Variants in OTUB2 observed in about 807,000 individuals in gnomAD.
OTUB2 encodes the protein ubiquitin thioesterase OTUB2.
OTUB2 carries 21 observed loss-of-function variants against 25.1 expected under a neutral mutation model. The ratio of observed to expected loss-of-function variants is 0.84; its 90% CI spans 0.59 to 1.21. The LOEUF (loss-of-function observed/expected upper bound fraction) is 1.21. Ranked by LOEUF, OTUB2 falls within the 50% of genes most tolerant of loss-of-function variation. The pLI is 0.00. For missense variants in OTUB2, 283 were observed against 298.0 expected, an observed-to-expected ratio of 0.95 and a Z score of 0.37; for synonymous variants, 122 against 122.8, an observed-to-expected ratio of 0.99 and a Z score of 0.04.
At chr14:94,026,723 G>A (rs969100592) in intron 1 of OTUB2, among the ~76,000 whole-genome samples, 183 bp downstream of exon 1, 3 of 151,980 alleles carry the variant, frequency 2.0e-5, no homozygotes, top group African/African-American at 7.2e-5. Context: ...GCCAAGTCGC[G>A]CCCCCCTGTA....
At chr14:94,033,503 C>T (rs188825435) in intron 1 of OTUB2, among the ~76,000 whole-genome samples, 3 of 152,338 alleles carry the variant, frequency 2.0e-5, no homozygotes. Context: ...GATTTTGTGT[C>T]CTCCTTCTGC....
chr14:94,028,386 C>G (rs1884902162), intron 1 of OTUB2, among the ~76,000 whole-genome samples: 1 of 152,204 alleles, frequency 6.6e-6, no homozygotes, highest in Non-Finnish European at 1.5e-5. Flanking sequence ...GAAAATACAG[C>G]ATCTTCTTTA....
rs7147036 is a variant in OTUB2 at position 94,044,541 on chromosome 14, C to T, written c.304-45C>T. On this transcript the variant is annotated intron_variant, in intron 4 of 5. Transcript: ENST00000203664. ...GCGGAGGGAGAATGCAGAGGGAGGG[C>T]TGGGGCTTGCTTGGCCTCCCTAGCT... The T allele has an allele frequency of 2.4e-3, 3,822 of 1,570,938 alleles. 76 individuals carry two copies. In the African/African-American group the frequency reaches 0.039, roughly 16 times the overall value.
intron 1 of OTUB2, among the ~76,000 whole-genome samples, chr14:94,031,085 A>G (rs180786790): frequency 4.2e-4 from 64 of 152,264 alleles, no homozygotes; most frequent in African/African-American, 1.5e-3. Flanking sequence ...CATGGCTTCC[A>G]AACGATTATC....
At chr14:94,031,220 C>G (rs949100814) in intron 1 of OTUB2, among the ~76,000 whole-genome samples, 1 of 146,864 alleles carries the variant, frequency 6.8e-6, no homozygotes, top group African/African-American at 2.6e-5. Flanking sequence ...CTGGGCAACA[C>G]AGTGAGATCC....
Position 94,044,742 on chromosome 14 carries a change from A to G in OTUB2, c.460A>G (p.Ile154Val), listed in dbSNP as rs746198025. 24 of 1,613,636 alleles carry G rather than the reference A, an allele frequency of 1.5e-5. No homozygotes were observed. The highest frequency in any genetic ancestry group is 1.9e-5 in the Non-Finnish European group (23 of 1,180,016). The change falls in exon 5 of 6, where the codon ATT (isoleucine) becomes GTT (valine). Residue 154 changes from isoleucine (I) to valine (V), a missense_variant. Coordinates refer to ENST00000203664, the MANE Select transcript of OTUB2 (RefSeq NM_023112.4). The stretch of plus-strand genomic sequence containing the variant: ...CCGAGCAGACTTCTTCCGGCACTTC[A>G]TTGATGAGGAGATGGACATCAAAGA... Reference protein sequence around the residue: ...RNRADFFRHFIDEEMDIKDFC... With the variant: ...RNRADFFRHFVDEEMDIKDFC...
chr14:94,045,579 C>A (rs1454830946), intron 5 of OTUB2, 137 bp from the exon 6 acceptor site: 1 of 803,128 alleles, frequency 1.2e-6, no homozygotes, highest in Non-Finnish European at 2.0e-6. Flanking sequence ...ACGTCCATAC[C>A]CAACTCATGG....
intron 3 of OTUB2, among the ~76,000 whole-genome samples, chr14:94,042,831 G>A (rs1219675022): frequency 6.6e-6 from 1 of 152,198 alleles, no homozygotes; most frequent in African/African-American, 2.4e-5. Context: ...CACCCCTGCA[G>A]TCAAGGCGTC....
rs1159318353 is a variant in OTUB2 at position 94,047,882 on chromosome 14, C to T, written c.*1960C>T. ...TGTGCTGTGCTTCCAGGTCACAGAG[C>T]CCCCCGGAAACTCACAGGGGCCCTC... is the stretch of plus-strand genomic sequence containing the variant. On this transcript the variant is annotated 3_prime_UTR_variant, in exon 6 of 6. Transcript: ENST00000203664. 1 of 152,130 alleles carries T rather than the reference C, an allele frequency of 6.6e-6. No individual in the cohort carries two copies. The highest frequency in any genetic ancestry group is 1.5e-5 in the Non-Finnish European group (1 of 68,050). The allele number at this position is 152,130 out of a possible 1,614,324, so 9.4% of individuals were successfully genotyped here. A position where few individuals can be genotyped will look rare whatever the true frequency, so the allele number is the denominator to read the frequency against.
At position 94,045,996 on chromosome 14, in the gene OTUB2, A is replaced by G. The variant is rs1885269318; in HGVS notation, c.*74A>G. On this transcript the variant is annotated 3_prime_UTR_variant, in exon 6 of 6. Transcript: ENST00000203664. ...CTGAATGGAACATTCCGGCTCTTCA[A>G]TTTTTTAAGCAATTTAGACTGTAGC... is the stretch of plus-strand genomic sequence containing the variant. 2 of 1,514,030 alleles carry G rather than the reference A, an allele frequency of 1.3e-6. No individual in the cohort carries two copies. The highest frequency in any genetic ancestry group is 1.8e-6 in the Non-Finnish European group (2 of 1,102,230). 93.8% of individuals were successfully genotyped at this position (1,514,030 alleles called of 1,614,324 possible). A position where few individuals can be genotyped will look rare whatever the true frequency, so the allele number is the denominator to read the frequency against.
chr14:94,027,028 G>C (rs144380965), intron 1 of OTUB2, among the ~76,000 whole-genome samples: 1 of 152,250 alleles, frequency 6.6e-6, no homozygotes, highest in Non-Finnish European at 1.5e-5. Flanking sequence ...CGTCTGCTCC[G>C]TGGGCGACTA....
chr14:94,029,662 AGG>A (rs978863260), intron 1 of OTUB2, among the ~76,000 whole-genome samples: 12 of 152,358 alleles, frequency 7.9e-5, no homozygotes, highest in African/African-American at 2.9e-4. Context: ...ACCAAGGATT[AGG>A]TATTCAACAT....
At position 94,047,912 on chromosome 14, in the gene OTUB2, C is replaced by T. The variant is rs190113651; in HGVS notation, c.*1990C>T. 5.9e-5 allele frequency: 9 copies of T among 152,356 alleles called. No homozygotes were observed. The East Asian group carries it at 1.7e-3, about 29-fold the overall frequency. 9.4% of individuals were successfully genotyped at this position (152,356 alleles called of 1,614,324 possible). On this transcript the variant is annotated 3_prime_UTR_variant, in exon 6 of 6. Coordinates refer to ENST00000203664, the MANE Select transcript of OTUB2 (RefSeq NM_023112.4). ...CGGAAACTCACAGGGGCCCTCTTCCCAGAAAAGAATCTATTCTATCACTTC... is the reference window on the plus strand; with the variant it reads ...CGGAAACTCACAGGGGCCCTCTTCCTAGAAAAGAATCTATTCTATCACTTC...
intron 1 of OTUB2, among the ~76,000 whole-genome samples, chr14:94,032,477 C>T (rs187161679): frequency 1.3e-5 from 2 of 151,928 alleles, no homozygotes; most frequent in African/African-American, 2.4e-5. Flanking sequence ...GAAAGGTGGT[C>T]GCCAGAGACT....
At chr14:94,027,160 C>T (rs1344441035) in intron 1 of OTUB2, among the ~76,000 whole-genome samples, 1 of 152,214 alleles carries the variant, frequency 6.6e-6, no homozygotes, top group Non-Finnish European at 1.5e-5. Flanking sequence ...GCCTTGTCTG[C>T]GCAGAACGAG....
intron 4 of OTUB2, 99 bp from the exon 5 acceptor site, chr14:94,044,487 C>A: frequency 8.3e-7 from 1 of 1,209,064 alleles, no homozygotes; most frequent in Non-Finnish European, 1.1e-6. Flanking sequence ...AATGAAAATG[C>A]ACGTGAGGGC....
rs141466561 is a variant in OTUB2, at chr14:94,038,740, C to T, written c.100-223C>T. ...CTGTCTAATTATCCATCTTCCCTCCCGGACCGTAGGCTGCCTGGGGGCAGG... is the reference window on the plus strand; with the variant it reads ...CTGTCTAATTATCCATCTTCCCTCCTGGACCGTAGGCTGCCTGGGGGCAGG... On this transcript the variant is annotated intron_variant, in intron 2 of 5. Coordinates refer to ENST00000203664, the MANE Select transcript of OTUB2 (RefSeq NM_023112.4). Among the ~76,000 whole-genome samples the T allele has an allele frequency of 3.0e-3, 459 of 152,346 alleles. 2 individuals carry two copies. Among genetic ancestry groups the T allele is most frequent in the Non-Finnish European group, 4.9e-3 (335 of 68,034 alleles).
intron 1 of OTUB2, among the ~76,000 whole-genome samples, chr14:94,034,574 G>A (rs1885016342): frequency 6.6e-6 from 1 of 152,218 alleles, no homozygotes; most frequent in Admixed American, 6.5e-5. Flanking sequence ...TCAGGAGGTG[G>A]TCTTGAGGAT....
In OTUB2 at chr14:94,039,171, C is replaced by G; in HGVS notation, c.218+90C>G. 4 of 1,017,120 alleles carry G rather than the reference C, an allele frequency of 3.9e-6. No homozygotes were observed. The South Asian group carries it at 5.9e-5, about 15-fold the overall frequency. 63.0% of individuals were successfully genotyped at this position (1,017,120 alleles called of 1,614,324 possible). On this transcript the variant is annotated intron_variant, in intron 3 of 5. Transcript: ENST00000203664. ...CTCGGAGGTTTTCGTTACACTCAGG[C>G]TGGTTAACCCAGAGAATGAGCTGAA... is the stretch of plus-strand genomic sequence containing the variant.
Sources: gnomAD v4.1 joint callset for allele counts (sites outside exome capture counted in the v4.1 genomes callset) on GRCh38, gnomAD v4.1.1 for gene constraint, MANE v1.5 for transcripts, NCBI Gene and HGNC (gene_info 2026-07-23, HGNC 2026-07-21) for gene names.